The following BNC2 variants were observed in gnomAD, a reference collection of about 807,000 sequenced individuals.
BNC2 encodes basonuclin zinc finger protein 2.
A neutral mutation model predicts 76.3 loss-of-function variants in BNC2; 20 were observed. That is an observed-to-expected ratio of 0.26 (90% confidence interval 0.18 to 0.38). The LOEUF (loss-of-function observed/expected upper bound fraction) is 0.38. BNC2 is among the 10% of genes least tolerant of loss of function. The pLI is 1.00. For synonymous variants in BNC2, 582 were observed against 514.8 expected (o/e 1.13, Z -1.77); for missense variants, 1,382 against 1,399.8 (o/e 0.99, Z 0.20).
intron 6 of BNC2, 132 bp from the exon 7 acceptor site, chr9:16,419,781 T>C: frequency 5.9e-6 from 4 of 678,858 alleles, no homozygotes; most frequent in Non-Finnish European, 1.0e-5. Context: ...ATTACACCAT[T>C]ATAAAAGCAA....
intron 3 of BNC2, among the ~76,000 whole-genome samples, chr9:16,723,936 G>A (rs1454272386): frequency 6.6e-6 from 1 of 152,032 alleles, no homozygotes; most frequent in African/African-American, 2.4e-5. Flanking sequence ...GAGAATGTCA[G>A]ACAGTTGTTC....
At chr9:16,452,018 G>T (rs1018851268) in intron 5 of BNC2, among the ~76,000 whole-genome samples, 1 of 152,168 alleles carries the variant, frequency 6.6e-6, no homozygotes. Context: ...CTTGGGACAA[G>T]AATCTAGCTG....
intron 1 of BNC2, among the ~76,000 whole-genome samples, chr9:16,851,869 C>G (rs906366819): frequency 6.6e-6 from 1 of 152,148 alleles, no homozygotes; most frequent in Non-Finnish European, 1.5e-5. Context: ...TATGTTAGCA[C>G]AGGTACAAAG....
chr9:16,428,214 G>C (rs1320134100), intron 6 of BNC2, among the ~76,000 whole-genome samples: 1 of 152,180 alleles, frequency 6.6e-6, no homozygotes, highest in Non-Finnish European at 1.5e-5. Flanking sequence ...TGAGCCAATT[G>C]CTTTAGAAGT....
intron 3 of BNC2, among the ~76,000 whole-genome samples, chr9:16,720,143 C>G (rs530471012): frequency 2.8e-4 from 42 of 152,296 alleles, no homozygotes; most frequent in Non-Finnish European, 3.8e-4. Flanking sequence ...CAGCAACACT[C>G]GAGACAGTCC....
intron 1 of BNC2, among the ~76,000 whole-genome samples, chr9:16,830,608 G>A (rs1470263454): frequency 6.6e-6 from 1 of 152,180 alleles, no homozygotes; most frequent in African/African-American, 2.4e-5. Flanking sequence ...CATGGATACA[G>A]AAGGCCAACT....
At chr9:16,439,110 ACT>A (rs745568505) in intron 5 of BNC2, among the ~76,000 whole-genome samples, 6 of 152,264 alleles carry the variant, frequency 3.9e-5, no homozygotes, top group Non-Finnish European at 7.3e-5. Context: ...GTAAGATGTG[ACT>A]TTGCTCCTCC....
At chr9:16,637,649 GGCAGCA>G (rs1821367752) in intron 3 of BNC2, among the ~76,000 whole-genome samples, 1 of 152,174 alleles carries the variant, frequency 6.6e-6, no homozygotes, top group Non-Finnish European at 1.5e-5. Context: ...TTTTCTAAAA[GGCAGCA>G]GCCTCATGTA....
chr9:16,829,179 G>A (rs1166513533), intron 1 of BNC2, among the ~76,000 whole-genome samples: 1 of 152,232 alleles, frequency 6.6e-6, no homozygotes, highest in African/African-American at 2.4e-5. Flanking sequence ...ACGGACTTGT[G>A]AGCATTAGGG....
At chr9:16,857,480 T>TAAAAAAA (rs60082380) in intron 1 of BNC2, among the ~76,000 whole-genome samples, 17 of 75,664 alleles carry the variant, frequency 2.2e-4, no homozygotes, top group South Asian at 4.7e-4. Context: ...CTGTCTCAAA[T>TAAAAAAA]AAAAAAAAAA....
intron 5 of BNC2, among the ~76,000 whole-genome samples, chr9:16,487,271 AG>A (rs1255932116): frequency 3.3e-5 from 5 of 152,050 alleles, no homozygotes; most frequent in Non-Finnish European, 7.4e-5. Context: ...CTGGGGGTGG[AG>A]GGGGCGGGCA....
At chr9:16,627,427 G>C (rs1000502578) in intron 3 of BNC2, among the ~76,000 whole-genome samples, 4 of 151,920 alleles carry the variant, frequency 2.6e-5, no homozygotes, top group Non-Finnish European at 5.9e-5. Flanking sequence ...GGTTCGGCCT[G>C]TGCAGTTGTA....
At chr9:16,516,943 T>C (rs1952347) in intron 5 of BNC2, among the ~76,000 whole-genome samples, 44,171 of 152,108 alleles carry the variant, frequency 0.29, 7,540 homozygotes, top group South Asian at 0.4. Flanking sequence ...AACTGGTCAG[T>C]TGCACTGTGA....
chr9:16,763,287 G>A (rs1299731687), intron 1 of BNC2, among the ~76,000 whole-genome samples: 1 of 152,106 alleles, frequency 6.6e-6, no homozygotes, highest in Non-Finnish European at 1.5e-5. Flanking sequence ...ATCACCTTCA[G>A]GGTCAGGCAT....
rs1824393866 is a variant in BNC2, at chr9:16,727,898, T to C, written c.229A>G (p.Asn77Asp). ...DLTLRDSCTD[N>D]SMQFGTRTTT... Reference sequence around the variant, plus strand: ...GTTCTGGTTCCGAACTGCATGGAGTTGTCAGTACAGGAGTCTCTTAAAGTC... The same window carrying C: ...GTTCTGGTTCCGAACTGCATGGAGTCGTCAGTACAGGAGTCTCTTAAAGTC... The change falls in exon 3 of 7, where the codon AAC becomes GAC. Residue 77 changes from asparagine (N) to aspartate (D), a missense_variant. Transcript: ENST00000380672. The C allele has an allele frequency of 6.2e-7, 1 of 1,614,162 alleles. No individual in the cohort carries two copies. The highest frequency in any genetic ancestry group is 8.5e-7 in the Non-Finnish European group (1 of 1,180,024).
intron 1 of BNC2, among the ~76,000 whole-genome samples, chr9:16,791,718 T>C (rs1199530306): frequency 1.3e-5 from 2 of 152,210 alleles, no homozygotes; most frequent in Non-Finnish European, 2.9e-5. Flanking sequence ...TGTGTTTCTA[T>C]GACTTGCCCT....
intron 6 of BNC2, among the ~76,000 whole-genome samples, chr9:16,429,036 C>G (rs1159173722): frequency 6.6e-6 from 1 of 152,172 alleles, no homozygotes; most frequent in East Asian, 1.9e-4. Context: ...CCAAATCCCT[C>G]TTTTATGACA....
At chr9:16,482,856 T>TA (rs1331418249) in intron 5 of BNC2, among the ~76,000 whole-genome samples, 1 of 152,200 alleles carries the variant, frequency 6.6e-6, no homozygotes, top group Non-Finnish European at 1.5e-5. Flanking sequence ...CAGATGGCTC[T>TA]AAGTGAAAAG....
intron 5 of BNC2, among the ~76,000 whole-genome samples, chr9:16,470,718 C>T (rs1164722684): frequency 6.6e-6 from 1 of 152,190 alleles, no homozygotes; most frequent in Admixed American, 6.5e-5. Flanking sequence ...CGCAGATGCA[C>T]AGAAGTCAAG....
Sources: gnomAD v4.1 joint callset for allele counts (sites outside exome capture counted in the v4.1 genomes callset) on GRCh38, gnomAD v4.1.1 for gene constraint, MANE v1.5 for transcripts, NCBI Gene and HGNC (gene_info 2026-07-23, HGNC 2026-07-21) for gene names.